The following KHDC1 variants were observed in gnomAD, a reference collection of about 807,000 sequenced individuals.
The protein encoded by KHDC1 is KH homology domain-containing protein 1.
In KHDC1, 21 loss-of-function variants were observed where a neutral mutation model predicts 24.7. The ratio of observed to expected loss-of-function variants is 0.85; its 90% confidence interval spans 0.60 to 1.23. KHDC1 has a LOEUF of 1.23. Among genes scored for constraint, KHDC1 ranks in the 50% most tolerant of loss-of-function variants. KHDC1 has a pLI of 0.00. For missense variants in KHDC1, 274 were observed against 298.5 expected (o/e 0.92, Z 0.61); for synonymous variants, 98 against 111.7 (o/e 0.88, Z 0.77).
intron 2 of KHDC1, among the ~76,000 whole-genome samples, chr6:73,276,808 A>G (rs1163063679): frequency 6.6e-6 from 1 of 152,190 alleles, no homozygotes; most frequent in East Asian, 1.9e-4. Context: ...TCTGTACTCT[A>G]TATTCACTTT....
chr6:73,308,317 G>A (rs984154727), intron 1 of KHDC1, among the ~76,000 whole-genome samples: 13 of 151,648 alleles, frequency 8.6e-5, no homozygotes, highest in African/African-American at 2.2e-4. Flanking sequence ...CTCATGATCC[G>A]CCCTCCTCGG....
intron 1 of KHDC1, among the ~76,000 whole-genome samples, chr6:73,295,172 A>G (rs1767735415): frequency 6.6e-6 from 1 of 151,750 alleles, no homozygotes. Context: ...ACAATAACAA[A>G]AAGCTGTTGA....
intron 2 of KHDC1, among the ~76,000 whole-genome samples, chr6:73,285,899 A>G (rs1267475445): frequency 6.6e-6 from 1 of 152,116 alleles, no homozygotes; most frequent in Non-Finnish European, 1.5e-5. Context: ...GCTCAATCTT[A>G]TCTTAACTCC....
At chr6:73,290,369 T>C (rs1466827311) in intron 2 of KHDC1, 7 of 291,644 alleles carry the variant, frequency 2.4e-5, no homozygotes, top group Non-Finnish European at 4.7e-5. Context: ...CTGTTGTAAC[T>C]TAAAGGGAAA....
At chr6:73,290,912 C>T (rs1249294491) in intron 2 of KHDC1, 4 of 362,846 alleles carry the variant, frequency 1.1e-5, no homozygotes, top group Non-Finnish European at 2.1e-5. Flanking sequence ...CAAGGAAGCT[C>T]AATCACTGAG....
chr6:73,289,992 G>C lies in KHDC1; in HGVS notation c.206+2006C>G, dbSNP rs796257207. Among the ~76,000 whole-genome samples, 179 of 150,280 alleles carry C rather than the reference G, an allele frequency of 1.2e-3. 1 individual carries two copies. The highest frequency in any genetic ancestry group is 4.1e-3 in the African/African-American group (167 of 40,870). On this transcript the variant is annotated intron_variant, in intron 2 of 4. Coordinates refer to ENST00000370384, the Ensembl canonical transcript of KHDC1. ...GCGGGCGCCTGTAGTCCCAGCTACT[G>C]GGGAGGCTGAGGCAGGAGAATGGCG...
intron 2 of KHDC1, among the ~76,000 whole-genome samples, chr6:73,284,973 T>C (rs1767492956): frequency 6.6e-6 from 1 of 151,936 alleles, no homozygotes; most frequent in Admixed American, 6.6e-5. Flanking sequence ...GCCTCCCAAG[T>C]AGCTAGGATT....
chr6:73,307,473 T>C (rs1337680184), intron 1 of KHDC1, among the ~76,000 whole-genome samples: 3 of 152,096 alleles, frequency 2.0e-5, no homozygotes, highest in Non-Finnish European at 2.9e-5. Context: ...CATTAGAGCA[T>C]TATTTAAAAG....
rs1049362677 is a variant in KHDC1, at chr6:73,289,645, G to C, written c.206+2353C>G. On this transcript the variant is annotated intron_variant, in intron 2 of 4. Transcript: ENST00000370384. Reference sequence around the variant, plus strand: ...AGCCTGGGTGACAGAGTAAGACCCTGTCTCATAACAAACAACAGAAAAAAG... The same window carrying C: ...AGCCTGGGTGACAGAGTAAGACCCTCTCTCATAACAAACAACAGAAAAAAG... Among the ~76,000 whole-genome samples the C allele has an allele frequency of 2.0e-5, 3 of 150,866 alleles. No individual in the cohort carries two copies. In the East Asian group the frequency reaches 6.0e-4, roughly 30 times the overall value.
chr6:73,299,050 C>A (rs1767814722), intron 1 of KHDC1: 1 of 152,254 alleles, frequency 6.6e-6, no homozygotes. Context: ...CTGACTTCAT[C>A]TTTCAGGGTC....
chr6:73,252,423 T>C (rs1336416535), intron 2 of KHDC1, among the ~76,000 whole-genome samples: 4 of 152,158 alleles, frequency 2.6e-5, no homozygotes, highest in Non-Finnish European at 5.9e-5. Context: ...TTAGCTCTTC[T>C]AGTAATTTAG....
chr6:73,256,691 T>C (rs1486428461), intron 2 of KHDC1, among the ~76,000 whole-genome samples: 1 of 152,240 alleles, frequency 6.6e-6, no homozygotes, highest in African/African-American at 2.4e-5. Flanking sequence ...AGGTGCCTGT[T>C]GTTATAAGAC....
chr6:73,298,441 T>C (rs1767801896), intron 1 of KHDC1, among the ~76,000 whole-genome samples: 1 of 118,442 alleles, frequency 8.4e-6, no homozygotes, highest in Non-Finnish European at 1.8e-5. Context: ...TTTTTTTTTT[T>C]TTTTTTTTTT....
chr6:73,286,381 T>C (rs1005963190), intron 2 of KHDC1, among the ~76,000 whole-genome samples: 9 of 152,120 alleles, frequency 5.9e-5, no homozygotes, highest in African/African-American at 2.2e-4. Flanking sequence ...TATATGAAAA[T>C]TCAGAACTCT....
chr6:73,241,354 A>G, exon 5 of KHDC1: 1 of 608,738 alleles, frequency 1.6e-6, no homozygotes, highest in Non-Finnish European at 2.9e-6. Context: ...TTGCTTTGCC[A>G]ATAACACTTT....
intron 1 of KHDC1, chr6:73,292,635 C>G (rs1767677886): frequency 1.3e-6 from 1 of 757,806 alleles, no homozygotes; most frequent in Admixed American, 1.7e-5. Flanking sequence ...TCAATCACCC[C>G]AAAGGTTGTG....
At chr6:73,309,840 G>A in exon 1 of KHDC1, 1 of 1,144,732 alleles carries the variant, frequency 8.7e-7, no homozygotes. Flanking sequence ...TTCAGGACGC[G>A]AAGGAAAGGG....
intron 2 of KHDC1, among the ~76,000 whole-genome samples, chr6:73,264,780 A>G (rs1038002828): frequency 7.2e-5 from 11 of 152,234 alleles, no homozygotes; most frequent in Admixed American, 2.0e-4. Context: ...TGACATTGAC[A>G]GGAAAGCAGA....
At chr6:73,289,917 G>A (rs1471234418) in intron 2 of KHDC1, among the ~76,000 whole-genome samples, 6 of 151,540 alleles carry the variant, frequency 4.0e-5, no homozygotes, top group African/African-American at 1.5e-4. Flanking sequence ...TGGCTAACAA[G>A]GTGAAACCCC....
Sources: gnomAD v4.1 joint callset for allele counts (sites outside exome capture counted in the v4.1 genomes callset) on GRCh38, gnomAD v4.1.1 for gene constraint, MANE v1.5 for transcripts, NCBI Gene and HGNC (gene_info 2026-07-23, HGNC 2026-07-21) for gene names.